FCRL5: variants seen among roughly 807,000 people sequenced by gnomAD.
FCRL5 encodes the protein Fc receptor-like protein 5.
FCRL5 carries 79 observed loss-of-function variants against 92.1 expected under a neutral mutation model. That is an observed-to-expected ratio of 0.86 (90% confidence interval 0.72 to 1.03). The LOEUF is 1.03. Among genes scored for constraint, FCRL5 ranks in the 50% least tolerant of loss-of-function variants. The pLI, the probability that FCRL5 is intolerant of heterozygous loss-of-function variation, is 0.00. For missense variants in FCRL5, 1,160 were observed against 1,181.1 expected, an observed-to-expected ratio of 0.98 and a Z score of 0.26; for synonymous variants, 466 against 469.3, an observed-to-expected ratio of 0.99 and a Z score of 0.09.
intron 11 of FCRL5, among the ~76,000 whole-genome samples, 186 bp downstream of exon 11, chr1:157,520,831 C>T (rs892093668): frequency 1.3e-5 from 2 of 152,244 alleles, no homozygotes; most frequent in African/African-American, 4.8e-5. Flanking sequence ...AGCCCGCCAA[C>T]CCGCGCTCTC....
intron 8 of FCRL5, chr1:157,533,263 C>T (rs1650781100): frequency 6.6e-6 from 1 of 152,136 alleles, no homozygotes; most frequent in Admixed American, 6.5e-5. Flanking sequence ...TTCTGAGGGT[C>T]TCCATTTTAA....
chr1:157,536,058 C>T (rs1460657981), intron 7 of FCRL5, among the ~76,000 whole-genome samples: 1 of 146,972 alleles, frequency 6.8e-6, no homozygotes, highest in Non-Finnish European at 1.5e-5. Flanking sequence ...TCTCCTGCAT[C>T]AGCCTCCTGA....
Position 157,534,114 on chromosome 1 carries a change from A to G in FCRL5, c.1681+500T>C, listed in dbSNP as rs75405507. 2,950 of 309,650 alleles carry G rather than the reference A, an allele frequency of 9.5e-3. 39 individuals are homozygous for G. Among genetic ancestry groups the G allele is most frequent in the Admixed American group, 0.021 (497 of 23,654 alleles). 19.2% of individuals were successfully genotyped at this position (309,650 alleles called of 1,614,324 possible). A position where few individuals can be genotyped will look rare whatever the true frequency, so the allele number is the denominator to read the frequency against. On this transcript the variant is annotated intron_variant, in intron 8 of 16. Coordinates refer to ENST00000361835, the MANE Select transcript of FCRL5 (RefSeq NM_031281.3). ...AAAATGATACTGATTTTAGCAGGTT[A>G]GAAAACAAGGGATCATAAAAACTCC...
At chr1:157,527,960 C>A (rs1422645254) in intron 8 of FCRL5, 65 bp from the exon 9 acceptor site, 19 of 1,453,264 alleles carry the variant, frequency 1.3e-5, no homozygotes, top group Admixed American at 9.2e-5. Flanking sequence ...TTTGTCCTAG[C>A]CAGAACAATC....
chr1:157,540,078 A>G (rs1651182434), intron 6 of FCRL5, among the ~76,000 whole-genome samples: 1 of 152,170 alleles, frequency 6.6e-6, no homozygotes, highest in Non-Finnish European at 1.5e-5. Context: ...TGGTTCACAG[A>G]TTCAATGTTT....
chr1:157,545,057 A>G lies in FCRL5; in HGVS notation c.333T>C (p.Leu111=). The G allele has an allele frequency of 6.2e-7, 1 of 1,612,740 alleles. No homozygotes were observed. The highest frequency in any genetic ancestry group is 8.5e-7 in the Non-Finnish European group (1 of 1,180,024). Residue 111 remains leucine, a synonymous_variant, in exon 4 of 17, where the codon CTT becomes CTC. Transcript: ENST00000361835. ...SSASLILQAP[L]SVFEGDSVVL... is the part of the protein sequence containing the mutation. ...CCACAGAGTCTCCTTCAAACACAGA[A>G]AGTGGAGCTTGCAGGATCAGCGAAG...
chr1:157,520,061 C>T (rs1650106055), intron 12 of FCRL5, among the ~76,000 whole-genome samples: 1 of 152,180 alleles, frequency 6.6e-6, no homozygotes, highest in Non-Finnish European at 1.5e-5. Flanking sequence ...AAATAGTGTA[C>T]ATTTAAAAAA....
At chr1:157,528,470 A>G (rs988249073) in intron 8 of FCRL5, 2 of 152,162 alleles carry the variant, frequency 1.3e-5, no homozygotes. Flanking sequence ...CAATCCTAAT[A>G]TTCATATGGA....
intron 9 of FCRL5, among the ~76,000 whole-genome samples, chr1:157,526,877 A>G (rs1650452570): frequency 6.6e-6 from 1 of 152,032 alleles, no homozygotes; most frequent in Admixed American, 6.6e-5. Context: ...GTCCTTTTGG[A>G]GATGAAGTAG....
Position 157,515,006 on chromosome 1 carries a change from A to T in FCRL5, c.*669T>A, listed in dbSNP as rs12085238. On this transcript the variant is annotated 3_prime_UTR_variant, in exon 17 of 17. Coordinates refer to ENST00000361835, the MANE Select transcript of FCRL5 (RefSeq NM_031281.3). ...GGGTTACTTCTGTTAGGATGGGAAG[A>T]ACTTGGGACTTGGTGTATGAAAGCC... 5,319 of 154,570 alleles carry T rather than the reference A, an allele frequency of 0.034. 306 individuals carry two copies. Among genetic ancestry groups the T allele is most frequent in the African/African-American group, 0.12 (5,077 of 41,528 alleles). 9.6% of individuals were successfully genotyped at this position (154,570 alleles called of 1,614,324 possible). A position where few individuals can be genotyped will look rare whatever the true frequency, so the allele number is the denominator to read the frequency against.
At chr1:157,544,173 A>G in intron 5 of FCRL5, 89 bp downstream of exon 5, 1 of 1,407,886 alleles carries the variant, frequency 7.1e-7, no homozygotes, top group Non-Finnish European at 9.9e-7. Flanking sequence ...AGTTTTTTCT[A>G]CAGAGACTGG....
At chr1:157,534,308 G>T (rs757991906) in intron 8 of FCRL5, 1 of 702,400 alleles carries the variant, frequency 1.4e-6, no homozygotes, top group South Asian at 1.5e-5. Context: ...TGTCAGTAGA[G>T]AAGTAGGACA....
intron 8 of FCRL5, among the ~76,000 whole-genome samples, chr1:157,530,415 G>A (rs1287106859): frequency 6.6e-6 from 1 of 152,190 alleles, no homozygotes; most frequent in African/African-American, 2.4e-5. Context: ...TGCCCAGGCT[G>A]GAGTGCAATG....
rs552995788 is a variant in FCRL5 at position 157,524,387 on chromosome 1, C to A, written c.2131G>T (p.Ala711Ser). ...GKISAPSGGG[A>S]SFNLSLTTEH... Reference sequence around the variant, plus strand: ...GTAGTCAGAGAGAGGTTGAAGGAGGCCCCTCCTCCAGAGGGGGCTGAGATC... The same window carrying A: ...GTAGTCAGAGAGAGGTTGAAGGAGGACCCTCCTCCAGAGGGGGCTGAGATC... The change falls in exon 10 of 17, where the codon GCC becomes TCC. Residue 711 changes from alanine (A) to serine (S), a missense_variant. By Grantham distance (99) the Ala-to-Ser change is moderately conservative. Coordinates refer to ENST00000361835, the MANE Select transcript of FCRL5 (RefSeq NM_031281.3). 7 of 1,614,202 alleles carry A rather than the reference C, an allele frequency of 4.3e-6. No homozygotes were observed. The highest frequency in any genetic ancestry group is 5.1e-6 in the Non-Finnish European group (6 of 1,180,030).
In FCRL5 at chr1:157,544,016, G is replaced by C. The variant is rs12068045; in HGVS notation, c.844+246C>G. ...GATGTCAGGGAAGAGAACCCTGCGA[G>C]AGAAAAGAAAGAATTGTATTTAATG... is the stretch of plus-strand genomic sequence containing the variant. On this transcript the variant is annotated intron_variant, in intron 5 of 16. Coordinates refer to ENST00000361835, the MANE Select transcript of FCRL5 (RefSeq NM_031281.3). 8.0e-3 allele frequency among the ~76,000 whole-genome samples: 1,212 copies of C among 152,262 alleles called. 17 individuals are homozygous for C. Among genetic ancestry groups the C allele is most frequent in the African/African-American group, 0.027 (1,124 of 41,532 alleles).
intron 6 of FCRL5, among the ~76,000 whole-genome samples, chr1:157,541,447 A>C (rs1571104317): frequency 6.6e-6 from 1 of 152,216 alleles, no homozygotes; most frequent in African/African-American, 2.4e-5. Context: ...GTCTAAACAT[A>C]CCTTCCTCTC....
At chr1:157,534,522 G>T in intron 8 of FCRL5, 92 bp downstream of exon 8, 1 of 1,459,796 alleles carries the variant, frequency 6.9e-7, no homozygotes, top group Non-Finnish European at 9.6e-7. Context: ...TTGATTAGGG[G>T]AGGAAACTGG....
At chr1:157,520,861 C>G (rs1184610276) in intron 11 of FCRL5, among the ~76,000 whole-genome samples, 156 bp downstream of exon 11, 2 of 152,232 alleles carry the variant, frequency 1.3e-5, no homozygotes, top group Non-Finnish European at 2.9e-5. Context: ...GCCATCACTT[C>G]AGAAGCACTT....
chr1:157,539,037 A>T (rs766367721), intron 7 of FCRL5, 49 bp downstream of exon 7: 1 of 1,589,300 alleles, frequency 6.3e-7, no homozygotes. Context: ...GTTGGGTAAG[A>T]GAGGACTCTT....
Sources: allele counts gnomAD v4.1 joint callset (sites outside exome capture counted in the v4.1 genomes callset), GRCh38; gene constraint gnomAD v4.1.1; transcripts MANE v1.5; gene names NCBI Gene and HGNC (gene_info 2026-07-23, HGNC 2026-07-21).